Variants in PKM observed in about 807,000 individuals in gnomAD.
PKM encodes pyruvate kinase M1/2.
A neutral mutation model predicts 49.8 loss-of-function variants in PKM; 18 were observed. The observed-to-expected ratio is 0.36, with a 90% CI of 0.25 to 0.54. The LOEUF (loss-of-function observed/expected upper bound fraction) is 0.54, where lower values mean the gene tolerates loss of function less well. Among genes scored for constraint, PKM ranks in the 20% least tolerant of loss-of-function variants. The pLI is 0.89. For missense variants in PKM, 508 were observed against 713.8 expected (o/e 0.71, Z 3.28); for synonymous variants, 239 against 261.8 (o/e 0.91, Z 0.84).
At chr15:72,230,430 G>A (rs986979987) in intron 1 of PKM, among the ~76,000 whole-genome samples, 8 of 152,210 alleles carry the variant, frequency 5.3e-5, no homozygotes, top group Non-Finnish European at 7.4e-5. Context: ...GTGGGACCGC[G>A]CTCGGAGACC....
chr15:72,220,159 G>C (rs2082485530), intron 1 of PKM, among the ~76,000 whole-genome samples: 1 of 152,198 alleles, frequency 6.6e-6, no homozygotes, highest in African/African-American at 2.4e-5. Flanking sequence ...ATGTGAACCA[G>C]AAGCTTGCTA....
intron 8 of PKM, chr15:72,203,152 T>C: frequency 6.2e-7 from 1 of 1,613,938 alleles, no homozygotes; most frequent in Non-Finnish European, 8.5e-7. Context: ...TCAAACAGCT[T>C]GCGGTGGAAC....
At chr15:72,225,790 A>C (rs2082651357) in intron 1 of PKM, among the ~76,000 whole-genome samples, 1 of 152,124 alleles carries the variant, frequency 6.6e-6, no homozygotes, top group African/African-American at 2.4e-5. Flanking sequence ...CGTTAAACTA[A>C]GTTTCTTCTA....
rs746172359 is a variant in PKM at position 72,209,904 on chromosome 15, T to C, written c.379-45A>G. 6.8e-6 allele frequency: 10 copies of C among 1,478,774 alleles called. No homozygotes were observed. The South Asian group carries it at 7.9e-5, about 12-fold the overall frequency. 91.6% of individuals were successfully genotyped at this position (1,478,774 alleles called of 1,614,324 possible). ...CAAGAGTCCAAACTGGAGACACCAG[T>C]AGCAGCATCACCTCAGAAGGAATGG... On this transcript the variant is annotated intron_variant, in intron 4 of 10. Coordinates refer to ENST00000335181, the MANE Select transcript of PKM (RefSeq NM_002654.6).
chr15:72,199,790 G>A (rs766355615), intron 10 of PKM, 34 bp from the exon 11 acceptor site: 1 of 1,481,808 alleles, frequency 6.7e-7, no homozygotes, highest in South Asian at 1.2e-5. Context: ...GTGAGTAAAA[G>A]CCAAGCCAGG....
At chr15:72,227,783 T>G (rs1376286317) in intron 1 of PKM, among the ~76,000 whole-genome samples, 2 of 67,190 alleles carry the variant, frequency 3.0e-5, no homozygotes, top group Non-Finnish European at 3.2e-5. Context: ...AACAAAAAAC[T>G]GAAGCAAAAT....
Position 72,226,438 on chromosome 15 carries a change from G to A in PKM, c.-14+4678C>T, listed in dbSNP as rs1339325252. ...CCAGCTACTCAGGAGGCTGAGGCAG[G>A]AGAATGGCATGAACCCGGGAGGCGG... On this transcript the variant is annotated intron_variant, in intron 1 of 10. Transcript: ENST00000335181. Among the ~76,000 whole-genome samples, 3 of 152,170 alleles carry A rather than the reference G, an allele frequency of 2.0e-5. 1 individual carries two copies. Among genetic ancestry groups the A allele is most frequent in the Admixed American group, 2.0e-4 (3 of 15,284 alleles).
chr15:72,230,269 C>T (rs1243367921), intron 1 of PKM, among the ~76,000 whole-genome samples: 1 of 152,148 alleles, frequency 6.6e-6, no homozygotes, highest in African/African-American at 2.4e-5. Context: ...GGCAGGCCAA[C>T]GTTACGTAAG....
chr15:72,228,518 G>GA, intron 1 of PKM: 1 of 578,218 alleles, frequency 1.7e-6, no homozygotes, highest in East Asian at 6.8e-5. Flanking sequence ...CTGACTCACT[G>GA]AAAGGGGAGA....
At chr15:72,219,153 T>C (rs750106623) in intron 1 of PKM, 43 bp from the exon 2 acceptor site, 107 of 1,567,516 alleles carry the variant, frequency 6.8e-5, no homozygotes, top group Non-Finnish European at 9.2e-5. Context: ...GACTGAGAAG[T>C]GGTTAATATA....
chr15:72,209,499 A>G (rs1391619587), intron 5 of PKM, 174 bp downstream of exon 5: 1 of 552,212 alleles, frequency 1.8e-6, no homozygotes, highest in Non-Finnish European at 3.3e-6. Context: ...GAAGAATGTA[A>G]CTATGCTGGA....
chr15:72,228,643 C>A, intron 1 of PKM: 1 of 1,285,528 alleles, frequency 7.8e-7, no homozygotes, highest in Non-Finnish European at 1.0e-6. Context: ...CACAGAGCCC[C>A]ACTCCCCCAC....
chr15:72,207,514 G>A (rs373766906), intron 6 of PKM, among the ~76,000 whole-genome samples: 16 of 152,170 alleles, frequency 1.1e-4, no homozygotes, highest in African/African-American at 3.1e-4. Flanking sequence ...CTTCATTGAC[G>A]GAAGAAAGGG....
At chr15:72,224,836 A>C (rs2082618995) in intron 1 of PKM, among the ~76,000 whole-genome samples, 1 of 151,042 alleles carries the variant, frequency 6.6e-6, no homozygotes, top group Non-Finnish European at 1.5e-5. Context: ...CCCGGGCAAC[A>C]GAGTGAAAAA....
intron 6 of PKM, among the ~76,000 whole-genome samples, chr15:72,207,546 C>A (rs576560944): frequency 6.6e-4 from 101 of 152,350 alleles, no homozygotes; most frequent in Non-Finnish European, 1.1e-3. Context: ...TCCAAATGGG[C>A]TCATTCCCAA....
chr15:72,230,709 A>G (rs1008015907), intron 1 of PKM, among the ~76,000 whole-genome samples: 1 of 152,062 alleles, frequency 6.6e-6, no homozygotes, highest in Non-Finnish European at 1.5e-5. Context: ...GACCAGACTT[A>G]AGGAGGAAGA....
At position 72,199,707 on chromosome 15, in the gene PKM, G is replaced by A. The variant is rs11855870; in HGVS notation, c.1539C>T (p.Thr513=). Residue 513 remains threonine (T), a synonymous_variant, in exon 11 of 11, where the codon ACC becomes ACT. Transcript: ENST00000335181. ...TGAAGCCGGAGCCAGGGCGCCATCC[G>A]GTCAGCACAATGACCACATCTCCCT... The part of the protein sequence containing the change: ...FKKGDVVIVL[T]GWRPGSGFTN... 3.4e-5 allele frequency: 55 copies of A among 1,613,926 alleles called. No individual in the cohort carries two copies. In the African/African-American group the frequency reaches 4.5e-4, roughly 13 times the overall value.
At position 72,207,291 on chromosome 15, in the gene PKM, T is replaced by C; in HGVS notation, c.837-14A>G. ...ATTTCATCAAACCTGATGGACAAAG[T>C]TGGGGGGAGAGAGGTTATATAGAAC... is the stretch of plus-strand genomic sequence containing the variant. On this transcript the variant is annotated splice_polypyrimidine_tract_variant and intron_variant, in intron 6 of 10. Transcript: ENST00000335181. 1 of 1,613,456 alleles carries C rather than the reference T, an allele frequency of 6.2e-7. No homozygotes were observed. Among genetic ancestry groups the C allele is most frequent in the South Asian group, 1.1e-5 (1 of 91,054 alleles).
In PKM at chr15:72,202,590, G is replaced by A; in HGVS notation, c.1171C>T (p.His391Tyr). 6.2e-7 allele frequency: 1 copy of A among 1,613,506 alleles called. No individual in the cohort carries two copies. The highest frequency in any genetic ancestry group is 8.5e-7 in the Non-Finnish European group (1 of 1,179,844). The change falls in exon 9 of 11, where the codon CAC becomes TAC. Residue 391 changes from histidine (H) to tyrosine (Y), a missense_variant. His to Tyr is a moderately conservative substitution (Grantham distance 83). Transcript: ENST00000335181. The surrounding 1 kb of genome is among the most constrained non-coding windows in gnomAD (Gnocchi z 4.5). ...IAREAEAAIY[H>Y]LQLFEELRRL... is the part of the protein sequence containing the mutation. The stretch of plus-strand genomic sequence containing the variant: ...CGGAGTTCCTCAAATAATTGCAAGT[G>A]GTAGATGGCAGCCTCTGCCTCACGG...
Sources: gnomAD v4.1 joint callset for allele counts (sites outside exome capture counted in the v4.1 genomes callset) on GRCh38, gnomAD v4.1.1 for gene constraint, Gnocchi (gnomAD v3.1) non-coding constraint, MANE v1.5 for transcripts, NCBI Gene and HGNC (gene_info 2026-07-23, HGNC 2026-07-21) for gene names.